Variants in PARP11 observed in about 807,000 individuals in gnomAD.
The protein encoded by PARP11 is poly(ADP-ribose) polymerase family member 11.
A neutral mutation model predicts 42.9 loss-of-function variants in PARP11; 31 were observed. The observed-to-expected ratio is 0.72, with a 90% confidence interval of 0.54 to 0.98. PARP11 has a LOEUF of 0.98. Among genes scored for constraint, PARP11 ranks in the 50% least tolerant of loss-of-function variants. PARP11 has a pLI of 0.00. For missense variants in PARP11, 365 were observed against 413.1 expected (o/e 0.88, Z 1.01); for synonymous variants, 137 against 127.3 (o/e 1.08, Z -0.51).
chr12:3,846,181 G>T (rs1947990178), intron 1 of PARP11, among the ~76,000 whole-genome samples: 1 of 151,824 alleles, frequency 6.6e-6, no homozygotes, highest in South Asian at 2.1e-4. Context: ...GTAGCCTTAA[G>T]AAGTGTTTCA....
At chr12:3,829,867 C>T (rs1320982485) in intron 2 of PARP11, 23 bp downstream of exon 2, 1 of 1,612,726 alleles carries the variant, frequency 6.2e-7, no homozygotes, top group African/African-American at 1.3e-5. Flanking sequence ...AACACTTCTG[C>T]TAAATTAAAG....
chr12:3,858,223 C>A (rs1948225967), intron 1 of PARP11, among the ~76,000 whole-genome samples: 1 of 152,116 alleles, frequency 6.6e-6, no homozygotes, highest in African/African-American at 2.4e-5. Flanking sequence ...AAAGATGTTT[C>A]TAATATTGAT....
At chr12:3,870,298 G>GT (rs948896036) in intron 1 of PARP11, among the ~76,000 whole-genome samples, 1 of 152,204 alleles carries the variant, frequency 6.6e-6, no homozygotes, top group African/African-American at 2.4e-5. Context: ...TACAGTAGCA[G>GT]TAAGACAAAT....
At chr12:3,843,777 T>TA (rs1448193446) in intron 1 of PARP11, among the ~76,000 whole-genome samples, 1 of 152,226 alleles carries the variant, frequency 6.6e-6, no homozygotes, top group Non-Finnish European at 1.5e-5. Flanking sequence ...TGTTATTTTG[T>TA]AAAAATAACT....
chr12:3,820,331 A>G (rs757622536), intron 6 of PARP11, among the ~76,000 whole-genome samples: 1 of 152,224 alleles, frequency 6.6e-6, no homozygotes, highest in Non-Finnish European at 1.5e-5. Flanking sequence ...AGTGAGACAG[A>G]CAAAGTTATT....
intron 1 of PARP11, among the ~76,000 whole-genome samples, chr12:3,866,313 C>T (rs143650196): frequency 2.4e-3 from 360 of 152,194 alleles, no homozygotes; most frequent in African/African-American, 8.3e-3. Flanking sequence ...TTCTCAGTCT[C>T]CTTTGCACTT....
rs1158057176 is a variant in PARP11 at position 3,873,164 on chromosome 12, T to C, written c.18+48A>G. 4 of 1,360,952 alleles carry C rather than the reference T, an allele frequency of 2.9e-6. No homozygotes were observed. In the African/African-American group the frequency reaches 5.8e-5, roughly 20 times the overall value. The allele number at this position is 1,360,952 out of a possible 1,614,324, so 84.3% of individuals were successfully genotyped here. ...CCGGTGACCCCCTCCCGCCCCTCTC[T>C]CATCAACCCCGCCCCCTGGGCCCGC... On this transcript the variant is annotated intron_variant, in intron 1 of 7. Coordinates refer to ENST00000228820, the MANE Select transcript of PARP11 (RefSeq NM_020367.6).
chr12:3,871,623 C>A (rs1797600208), intron 1 of PARP11: 1 of 152,156 alleles, frequency 6.6e-6, no homozygotes, highest in South Asian at 2.1e-4. Context: ...GTATTTAGTC[C>A]AACAACTTGC....
At chr12:3,842,557 T>C in intron 1 of PARP11, 2 of 1,380,944 alleles carry the variant, frequency 1.4e-6, no homozygotes, top group Non-Finnish European at 2.0e-6. Flanking sequence ...AACTCTTAGG[T>C]GGAATGTTTC....
At chr12:3,856,794 TTATAAATCATGCTAC>T (rs1948199007) in intron 1 of PARP11, among the ~76,000 whole-genome samples, 1 of 152,142 alleles carries the variant, frequency 6.6e-6, no homozygotes, top group Non-Finnish European at 1.5e-5. Context: ...ACCCAAAGGA[TTATAAATCATGCTAC>T]TATAAAGACA....
intron 1 of PARP11, chr12:3,841,605 G>A: frequency 2.5e-6 from 4 of 1,613,164 alleles, no homozygotes; most frequent in South Asian, 2.2e-5. Context: ...TGTCTTACCA[G>A]GCTGATCTTG....
At chr12:3,818,244 C>T (rs1204166134) in intron 6 of PARP11, among the ~76,000 whole-genome samples, 1 of 152,152 alleles carries the variant, frequency 6.6e-6, no homozygotes, top group Non-Finnish European at 1.5e-5. Context: ...CTCTTATCAA[C>T]ACCTCCCTAC....
At chr12:3,851,583 G>C (rs1405370348) in intron 1 of PARP11, among the ~76,000 whole-genome samples, 1 of 152,226 alleles carries the variant, frequency 6.6e-6, no homozygotes, top group Admixed American at 6.5e-5. Flanking sequence ...GCTGAGGCTT[G>C]AGTAGGTAAA....
intron 1 of PARP11, among the ~76,000 whole-genome samples, chr12:3,858,150 C>T (rs1328847264): frequency 6.6e-6 from 1 of 152,108 alleles, no homozygotes; most frequent in East Asian, 1.9e-4. Context: ...GATATATAAC[C>T]TCCTGACATA....
Position 3,810,170 on chromosome 12 carries a change from TG to T in PARP11, c.*1952del, listed in dbSNP as rs769333662. On this transcript the variant is annotated 3_prime_UTR_variant, in exon 8 of 8. Transcript: ENST00000228820. ...CTGGAATTTTTCTAAGAAGTTAAAT[TG>T]TGTACACTAACTCTCAGCCAAAATT... 2 of 152,200 alleles carry T rather than the reference TG, an allele frequency of 1.3e-5. No homozygotes were observed. The highest frequency in any genetic ancestry group is 2.9e-5 in the Non-Finnish European group (2 of 68,038). 9.4% of individuals were successfully genotyped at this position (152,200 alleles called of 1,614,324 possible). A position where few individuals can be genotyped will look rare whatever the true frequency, so the allele number is the denominator to read the frequency against.
chr12:3,843,088 TA>T (rs1947927418), intron 1 of PARP11, among the ~76,000 whole-genome samples: 2 of 152,258 alleles, frequency 1.3e-5, no homozygotes, highest in Non-Finnish European at 2.9e-5. Flanking sequence ...CAAACTTGAA[TA>T]ATGTCTTCTC....
chr12:3,829,608 T>C (rs1947596327), intron 2 of PARP11, among the ~76,000 whole-genome samples: 1 of 152,212 alleles, frequency 6.6e-6, no homozygotes, highest in African/African-American at 2.4e-5. Flanking sequence ...CCCTTTCTCT[T>C]TGTCCACCAA....
At chr12:3,839,088 T>C (rs1591779476) in intron 1 of PARP11, among the ~76,000 whole-genome samples, 1 of 151,824 alleles carries the variant, frequency 6.6e-6, no homozygotes, top group East Asian at 1.9e-4. Flanking sequence ...GGCGGCCGCG[T>C]ACGGACAGCC....
intron 1 of PARP11, among the ~76,000 whole-genome samples, chr12:3,866,481 C>T (rs1355161815): frequency 6.6e-6 from 1 of 152,122 alleles, no homozygotes; most frequent in Non-Finnish European, 1.5e-5. Flanking sequence ...TGTCTACATA[C>T]ATTTTGAAAA....
Sources: allele counts gnomAD v4.1 joint callset (sites outside exome capture counted in the v4.1 genomes callset), GRCh38; gene constraint gnomAD v4.1.1; transcripts MANE v1.5; gene names NCBI Gene and HGNC (gene_info 2026-07-23, HGNC 2026-07-21).